AADAC: variants seen among roughly 807,000 people sequenced by gnomAD.
AADAC encodes arylacetamide deacetylase, also known as arylacetamide deacetylase (esterase).
A neutral mutation model predicts 22.7 loss-of-function variants in AADAC; 17 were observed. The observed-to-expected ratio is 0.75, with a 90% CI of 0.51 to 1.12. The LOEUF is 1.12. AADAC is among the 50% of genes most tolerant of loss of function. AADAC has a pLI of 0.00. For synonymous variants in AADAC, 167 were observed against 176.3 expected (o/e 0.95, Z 0.42); for missense variants, 465 against 473.9 (o/e 0.98, Z 0.17).
rs1047217429 is a variant in AADAC, at chr3:151,825,063, T to C, written c.603+229T>C. On this transcript the variant is annotated intron_variant, in intron 4 of 4. Transcript: ENST00000232892. ...CTTCCTTAAGGGAATGTTAATTCTTTGGATAAATCATTCATTTAAAATTAT... is the reference window on the plus strand; with the variant it reads ...CTTCCTTAAGGGAATGTTAATTCTTCGGATAAATCATTCATTTAAAATTAT... Among the ~76,000 whole-genome samples, 5 of 151,892 alleles carry C rather than the reference T, an allele frequency of 3.3e-5. 1 individual carries two copies. The highest frequency in any genetic ancestry group is 2.1e-4 in the South Asian group (1 of 4,816).
At position 151,827,926 on chromosome 3, in the gene AADAC, G is replaced by A. The variant is rs1716571446; in HGVS notation, c.954G>A (p.Arg318=). 6.2e-7 allele frequency: 1 copy of A among 1,611,314 alleles called. No homozygotes were observed. The highest frequency in any genetic ancestry group is 1.1e-5 in the South Asian group (1 of 90,810). ...AATATCCAGGGTTCCTAGATGTGAG[G>A]GCAGCCCCTTTGTTGGCTGATGACA... ...AKKYPGFLDV[R]AAPLLADDNK... is the part of the protein sequence containing the mutation. The change falls in exon 5 of 5, where the codon AGG becomes AGA. Residue 318 remains arginine (R), a synonymous_variant. Coordinates refer to ENST00000232892, the MANE Select transcript of AADAC (RefSeq NM_001086.3).
In AADAC at chr3:151,827,783, C is replaced by T. The variant is rs1293461293; in HGVS notation, c.811C>T (p.Pro271Ser). ...EKAMLSRQHVPVESSHLFKFV... is the reference protein window; with the variant it reads ...EKAMLSRQHVSVESSHLFKFV... Reference sequence around the variant, plus strand: ...AGCCATGCTTTCCAGACAACATGTACCTGTGGAATCAAGTCATCTCTTCAA... The same window carrying T: ...AGCCATGCTTTCCAGACAACATGTATCTGTGGAATCAAGTCATCTCTTCAA... The change falls in exon 5 of 5, where the codon CCT becomes TCT. Residue 271 changes from proline (P) to serine (S), a missense_variant. By Grantham distance (74) the Pro-to-Ser change is moderately conservative (BLOSUM62 -1). Coordinates refer to ENST00000232892, the MANE Select transcript of AADAC (RefSeq NM_001086.3). 1 of 1,613,270 alleles carries T rather than the reference C, an allele frequency of 6.2e-7. No homozygotes were observed. Among genetic ancestry groups the T allele is most frequent in the Non-Finnish European group, 8.5e-7 (1 of 1,179,498 alleles).
At chr3:151,815,923 A>G (rs1430034946) in intron 1 of AADAC, among the ~76,000 whole-genome samples, 1 of 151,944 alleles carries the variant, frequency 6.6e-6, no homozygotes, top group East Asian at 1.9e-4. Flanking sequence ...GGATTATGTT[A>G]TGAACATTAC....
intron 4 of AADAC, among the ~76,000 whole-genome samples, chr3:151,825,394 T>C (rs1472070650): frequency 6.6e-6 from 1 of 151,618 alleles, no homozygotes; most frequent in Non-Finnish European, 1.5e-5. Flanking sequence ...CCCTGTCTCT[T>C]AAAAGCATAA....
chr3:151,820,281 TG>T (rs1716184230), intron 2 of AADAC, 101 bp from the exon 3 acceptor site: 1 of 679,536 alleles, frequency 1.5e-6, no homozygotes, highest in African/African-American at 1.8e-5. Flanking sequence ...AAAATAGAAC[TG>T]CCAGAACGTG....
At chr3:151,815,179 G>A (rs112811022) in intron 1 of AADAC, among the ~76,000 whole-genome samples, 51 of 152,122 alleles carry the variant, frequency 3.4e-4, no homozygotes, top group African/African-American at 1.2e-3. Flanking sequence ...GAAGAAAAGA[G>A]AGTAATTTGG....
At chr3:151,826,822 T>C (rs1716515398) in intron 4 of AADAC, among the ~76,000 whole-genome samples, 1 of 151,980 alleles carries the variant, frequency 6.6e-6, no homozygotes, top group Admixed American at 6.6e-5. Flanking sequence ...TCTCCTAAAG[T>C]AACATGTCGC....
In AADAC at chr3:151,817,557, C is replaced by A; in HGVS notation, c.330C>A (p.Ile110=). Residue 110 remains isoleucine, a synonymous_variant, in exon 2 of 5, where the codon ATC becomes ATA. Coordinates refer to ENST00000232892, the MANE Select transcript of AADAC (RefSeq NM_001086.3). ...CACTAAGAAGGGGGTTGTTTTACAT[C>A]CATGGTGGAGGCTGGTGCGTGGGAA... ...SEALRRGLFY[I]HGGGWCVGSA... The A allele has an allele frequency of 6.2e-7, 1 of 1,613,658 alleles. No homozygotes were observed. The highest frequency in any genetic ancestry group is 8.5e-7 in the Non-Finnish European group (1 of 1,179,666).
At position 151,824,853 on chromosome 3, in the gene AADAC, T is replaced by G. The variant is rs1368049695; in HGVS notation, c.603+19T>G. On this transcript the variant is annotated intron_variant, in intron 4 of 4. Coordinates refer to ENST00000232892, the MANE Select transcript of AADAC (RefSeq NM_001086.3). The stretch of plus-strand genomic sequence containing the variant: ...TCAACAGGTATGTTCATAATTTCTA[T>G]GCTTTTTAAAAATAGCGTTTCTACG... 1.3e-6 allele frequency: 2 copies of G among 1,511,526 alleles called. No homozygotes were observed. The highest frequency in any genetic ancestry group is 1.4e-5 in the African/African-American group (1 of 70,748). 93.6% of individuals were successfully genotyped at this position (1,511,526 alleles called of 1,614,324 possible).
chr3:151,821,136 A>AGTGCAC lies in AADAC; in HGVS notation c.431+684_431+685insGTGCAC, dbSNP rs1426027097. Among the ~76,000 whole-genome samples, 37 of 152,058 alleles carry AGTGCAC rather than the reference A, an allele frequency of 2.4e-4. 2 individuals carry two copies. The highest frequency in any genetic ancestry group is 1.3e-3 in the Admixed American group (20 of 15,270). On this transcript the variant is annotated intron_variant, in intron 3 of 4. Transcript: ENST00000232892. ...TCATCTATAAAAGTGCATCATAAATAATTTCCATCTCAGATGGTCACTGTG... is the reference window on the plus strand; with the variant it reads ...TCATCTATAAAAGTGCATCATAAATAGTGCACATTTCCATCTCAGATGGTCACTGTG...
Position 151,824,774 on chromosome 3 carries a change from G to A in AADAC, c.543G>A (p.Glu181=), listed in dbSNP as rs1320129714. ...TTGCAAAATATGGTGTGAACCCTGAGAGAATCGGTATTTCTGGAGATAGTG... is the reference window on the plus strand; with the variant it reads ...TTGCAAAATATGGTGTGAACCCTGAAAGAATCGGTATTTCTGGAGATAGTG... ...KVLAKYGVNP[E]RIGISGDSAG... The change falls in exon 4 of 5, where the codon GAG becomes GAA. Residue 181 remains glutamate, a synonymous_variant. Coordinates refer to ENST00000232892, the MANE Select transcript of AADAC (RefSeq NM_001086.3). The A allele has an allele frequency of 6.2e-7, 1 of 1,607,490 alleles. No individual in the cohort carries two copies. The highest frequency in any genetic ancestry group is 2.2e-5 in the East Asian group (1 of 44,686).
intron 1 of AADAC, 82 bp downstream of exon 1, chr3:151,814,382 T>C: frequency 7.4e-7 from 1 of 1,354,654 alleles, no homozygotes; most frequent in South Asian, 1.5e-5. Flanking sequence ...ATTCTATTCT[T>C]TTGATTTATT....
Position 151,814,196 on chromosome 3 carries a change from G to A in AADAC, c.34G>A (p.Gly12Arg), listed in dbSNP as rs1054355452. 27 of 1,613,218 alleles carry A rather than the reference G, an allele frequency of 1.7e-5. 1 individual carries two copies. The highest frequency in any genetic ancestry group is 2.2e-5 in the Non-Finnish European group (26 of 1,179,560). Reference protein sequence around the residue: ...GRKSLYLLIVGILIAYYIYTP... With the variant: ...GRKSLYLLIVRILIAYYIYTP... ...AAAATCGCTGTACCTTCTGATTGTG[G>A]GGATCCTCATAGCATATTATATTTA... The change falls in exon 1 of 5, where the codon GGG becomes AGG. Residue 12 changes from glycine (G) to arginine (R), a missense_variant. Gly to Arg is a moderately radical substitution (Grantham distance 125). Coordinates refer to ENST00000232892, the MANE Select transcript of AADAC (RefSeq NM_001086.3).
Position 151,827,692 on chromosome 3 carries a change from T to C in AADAC, c.720T>C (p.Phe240=). ...PSYQENSNFL[F]LSKSLMVRFW... Reference sequence around the variant, plus strand: ...ATCAAGAAAATTCAAATTTTCTATTTCTATCCAAATCACTCATGGTCAGAT... The same window carrying C: ...ATCAAGAAAATTCAAATTTTCTATTCCTATCCAAATCACTCATGGTCAGAT... Residue 240 remains phenylalanine, a synonymous_variant, in exon 5 of 5, where the codon TTT becomes TTC. Coordinates refer to ENST00000232892, the MANE Select transcript of AADAC (RefSeq NM_001086.3). 4 of 1,612,838 alleles carry C rather than the reference T, an allele frequency of 2.5e-6. No homozygotes were observed. Among genetic ancestry groups the C allele is most frequent in the Non-Finnish European group, 3.4e-6 (4 of 1,179,120 alleles).
chr3:151,825,760 G>A (rs1196625361), intron 4 of AADAC, among the ~76,000 whole-genome samples: 1 of 151,922 alleles, frequency 6.6e-6, no homozygotes, highest in African/African-American at 2.4e-5. Context: ...TTGTTTTTAT[G>A]ATGAAGGAGA....
rs895692551 is a variant in AADAC, at chr3:151,817,474, G to A, written c.247G>A (p.Glu83Lys). The change falls in exon 2 of 5, where the codon GAG (glutamate) becomes AAG (lysine). Residue 83 changes from glutamate (E) to lysine (K), a missense_variant. Transcript: ENST00000232892. ...PTSDENVTVT[E>K]TKFNNILVRV... is the part of the protein sequence containing the mutation. ...CTCAGATGAAAATGTCACTGTGACT[G>A]AGACAAAATTCAACAACATTCTTGT... The A allele has an allele frequency of 1.9e-6, 3 of 1,613,782 alleles. No individual in the cohort carries two copies. The highest frequency in any genetic ancestry group is 3.3e-5 in the Admixed American group (2 of 60,006).
intron 2 of AADAC, among the ~76,000 whole-genome samples, chr3:151,818,278 A>G (rs7616061): frequency 6.6e-6 from 1 of 150,664 alleles, no homozygotes; most frequent in Non-Finnish European, 1.5e-5. Flanking sequence ...GTCTTCCTGT[A>G]TTCTTGGATC....
At chr3:151,817,804 CT>C (rs1392193807) in intron 2 of AADAC, among the ~76,000 whole-genome samples, 3 of 151,526 alleles carry the variant, frequency 2.0e-5, no homozygotes, top group Admixed American at 6.6e-5. Flanking sequence ...TGAGAAGAAA[CT>C]TTTTTTTTCT....
rs1716035624 is a variant in AADAC at position 151,817,403 on chromosome 3, T to C, written c.176T>C (p.Met59Thr). 1.2e-6 allele frequency: 2 copies of C among 1,613,622 alleles called. No homozygotes were observed. Among genetic ancestry groups the C allele is most frequent in the South Asian group, 1.1e-5 (1 of 91,076 alleles). The change falls in exon 2 of 5, where the codon ATG (methionine) becomes ACG (threonine). Residue 59 changes from methionine to threonine, a missense_variant. Physicochemically the swap from Met to Thr is moderately conservative, Grantham distance 81 (BLOSUM62 -1). Transcript: ENST00000232892. ...FVELLGLHHF[M>T]DSFKVVGSFD... ...GAGCTCCTGGGACTTCACCATTTTA[T>C]GGATTCCTTTAAGGTTGTCGGGAGC...
Sources: allele counts gnomAD v4.1 joint callset (sites outside exome capture counted in the v4.1 genomes callset), GRCh38; gene constraint gnomAD v4.1.1; transcripts MANE v1.5; gene names NCBI Gene and HGNC (gene_info 2026-07-23, HGNC 2026-07-21).